Variants in AFF3 observed in about 807,000 individuals in gnomAD.
AFF3 encodes ALF transcription elongation factor 3.
Under a neutral mutation model 129.7 loss-of-function variants are expected in AFF3, and 32 were observed. That is an observed-to-expected ratio of 0.25 (90% CI 0.19 to 0.33). The LOEUF (loss-of-function observed/expected upper bound fraction) is 0.33, where lower values mean the gene tolerates loss of function less well. AFF3 is among the 10% of genes least tolerant of loss of function. The pLI is 1.00. For missense variants in AFF3, 1,373 were observed against 1,592.0 expected (o/e 0.86, Z 2.34); for synonymous variants, 644 against 635.4 (o/e 1.01, Z -0.20).
intron 8 of AFF3, among the ~76,000 whole-genome samples, chr2:99,810,436 A>G (rs910841161): frequency 5.9e-5 from 9 of 152,270 alleles, no homozygotes; most frequent in African/African-American, 1.9e-4. Flanking sequence ...GCACAGAGCA[A>G]TAAACCTATT....
chr2:99,617,235 A>G (rs1353813729), intron 13 of AFF3, among the ~76,000 whole-genome samples: 4 of 152,170 alleles, frequency 2.6e-5, no homozygotes, highest in Non-Finnish European at 5.9e-5. Flanking sequence ...CTGCAAGACT[A>G]TTTTCCAAAG....
At chr2:100,011,819 T>C (rs894370583) in intron 4 of AFF3, among the ~76,000 whole-genome samples, 5 of 152,130 alleles carry the variant, frequency 3.3e-5, no homozygotes, top group African/African-American at 7.2e-5. Context: ...ACAAAGGCAA[T>C]AGGATAAAAA....
At chr2:99,828,048 C>A (rs1329325201) in intron 8 of AFF3, among the ~76,000 whole-genome samples, 1 of 152,012 alleles carries the variant, frequency 6.6e-6, no homozygotes, top group Non-Finnish European at 1.5e-5. Context: ...CCAATGGGCA[C>A]CTTACAAAAT....
intron 10 of AFF3, among the ~76,000 whole-genome samples, chr2:99,732,980 A>C (rs1679953099): frequency 6.6e-6 from 1 of 152,172 alleles, no homozygotes; most frequent in Non-Finnish European, 1.5e-5. Flanking sequence ...TCATTTCTTA[A>C]AAATTATTTT....
intron 8 of AFF3, among the ~76,000 whole-genome samples, chr2:99,834,184 C>T (rs1324270277): frequency 6.6e-6 from 1 of 152,110 alleles, no homozygotes; most frequent in Admixed American, 6.5e-5. Context: ...GCCAGGGGGA[C>T]GTCTTCATCT....
At chr2:99,724,470 G>A (rs35167571) in intron 11 of AFF3, among the ~76,000 whole-genome samples, 22,458 of 151,386 alleles carry the variant, frequency 0.15, 2,105 homozygotes, top group South Asian at 0.22. Context: ...GTGGGGTTTC[G>A]CCATGTTGGC....
chr2:99,959,586 T>C (rs1197498605), intron 7 of AFF3, among the ~76,000 whole-genome samples: 1 of 151,214 alleles, frequency 6.6e-6, no homozygotes, highest in Non-Finnish European at 1.5e-5. Flanking sequence ...AAAATCTTCC[T>C]CACAATCCCT....
At chr2:99,874,466 G>C (rs1000155887) in intron 7 of AFF3, among the ~76,000 whole-genome samples, 1 of 152,194 alleles carries the variant, frequency 6.6e-6, no homozygotes, top group African/African-American at 2.4e-5. Context: ...CTAAACAAAG[G>C]TATCTGTCCC....
At chr2:99,799,874 T>TA in intron 8 of AFF3, among the ~76,000 whole-genome samples, 1 of 152,204 alleles carries the variant, frequency 6.6e-6, no homozygotes, top group East Asian at 1.9e-4. Context: ...CAACAAATGG[T>TA]ACTGGAATAA....
At chr2:99,848,297 A>G (rs574179161) in intron 7 of AFF3, among the ~76,000 whole-genome samples, 1 of 152,066 alleles carries the variant, frequency 6.6e-6, no homozygotes, top group South Asian at 2.1e-4. Flanking sequence ...TGAAAATATA[A>G]AAAAAGACAT....
rs75357601 is a variant in AFF3 at position 99,893,503 on chromosome 2, G to A, written c.874-55979C>T. Among the ~76,000 whole-genome samples, 9 of 152,334 alleles carry A rather than the reference G, an allele frequency of 5.9e-5. No individual in the cohort carries two copies. The East Asian group carries it at 1.7e-3, about 29-fold the overall frequency. On this transcript the variant is annotated intron_variant, in intron 7 of 24. Coordinates refer to ENST00000672756, the MANE Select transcript of AFF3 (RefSeq NM_001386135.1). Reference sequence around the variant, plus strand: ...CAGGAAGGCGGAGCCCTTGTGATGAGTGTCCTTGTAAGAAGAGACATCAGA... The same window carrying A: ...CAGGAAGGCGGAGCCCTTGTGATGAATGTCCTTGTAAGAAGAGACATCAGA...
At chr2:99,973,432 A>T (rs1678581946) in intron 7 of AFF3, among the ~76,000 whole-genome samples, 1 of 152,212 alleles carries the variant, frequency 6.6e-6, no homozygotes, top group African/African-American at 2.4e-5. Flanking sequence ...CTTTCCCACC[A>T]CCTAAGTCAA....
At chr2:99,873,902 C>T (rs570864338) in intron 7 of AFF3, among the ~76,000 whole-genome samples, 134 of 151,988 alleles carry the variant, frequency 8.8e-4, no homozygotes, top group Non-Finnish European at 1.5e-3. Flanking sequence ...GGGCCGGGCG[C>T]GGTGGCTCAC....
chr2:99,714,883 GGACACTGACAT>G (rs2104898414), intron 11 of AFF3, among the ~76,000 whole-genome samples: 1 of 152,264 alleles, frequency 6.6e-6, no homozygotes, highest in Non-Finnish European at 1.5e-5. Context: ...ATCAATGCAG[GGACACTGACAT>G]GAACATGTTG....
intron 8 of AFF3, among the ~76,000 whole-genome samples, chr2:99,799,508 T>C (rs969010296): frequency 2.0e-5 from 3 of 152,060 alleles, no homozygotes; most frequent in Non-Finnish European, 4.4e-5. Context: ...TGTTCATGAT[T>C]TGGAAGAATC....
chr2:100,095,773 C>T (rs4069836), intron 4 of AFF3, among the ~76,000 whole-genome samples: 16 of 149,906 alleles, frequency 1.1e-4, no homozygotes, highest in Admixed American at 4.0e-4. Flanking sequence ...AATTGTGCAA[C>T]ATTTCCTTGC....
At chr2:99,977,012 G>T (rs918942361) in intron 7 of AFF3, among the ~76,000 whole-genome samples, 1 of 152,174 alleles carries the variant, frequency 6.6e-6, no homozygotes, top group South Asian at 2.1e-4. Flanking sequence ...ACCATAGAAA[G>T]AATCTGAGCT....
chr2:99,832,338 TC>T (rs1419795433), intron 8 of AFF3, among the ~76,000 whole-genome samples: 1 of 152,204 alleles, frequency 6.6e-6, no homozygotes, highest in East Asian at 1.9e-4. Flanking sequence ...CTTCTGGACT[TC>T]CAGTATTCCT....
intron 9 of AFF3, among the ~76,000 whole-genome samples, chr2:99,745,655 A>G (rs1044920900): frequency 2.1e-4 from 32 of 152,188 alleles, no homozygotes; most frequent in African/African-American, 5.8e-4. Context: ...GTAACACTCT[A>G]TTAAACAACT....
Sources: gnomAD v4.1 joint callset for allele counts (sites outside exome capture counted in the v4.1 genomes callset) on GRCh38, gnomAD v4.1.1 for gene constraint, MANE v1.5 for transcripts, NCBI Gene and HGNC (gene_info 2026-07-23, HGNC 2026-07-21) for gene names.